Variants in LONP2 observed in about 807,000 individuals in gnomAD.
LONP2 encodes the protein lon protease homolog 2, peroxisomal.
LONP2 carries 60 observed loss-of-function variants against 85.6 expected under a neutral mutation model. The ratio of observed to expected loss-of-function variants is 0.70; its 90% CI spans 0.57 to 0.87. The LOEUF (loss-of-function observed/expected upper bound fraction) is 0.87. Among genes scored for constraint, LONP2 ranks in the 40% least tolerant of loss-of-function variants. The probability of loss-of-function intolerance (pLI) is 0.00; values close to 1 mark genes in which losing one functional copy is unlikely to be tolerated. For synonymous variants in LONP2, 395 were observed against 389.7 expected, an observed-to-expected ratio of 1.01 and a Z score of -0.16; for missense variants, 860 against 1,063.5, an observed-to-expected ratio of 0.81 and a Z score of 2.66.
chr16:48,281,116 A>G (rs1045029437), intron 8 of LONP2, among the ~76,000 whole-genome samples: 6 of 152,164 alleles, frequency 3.9e-5, no homozygotes, highest in Non-Finnish European at 8.8e-5. Context: ...AGATTATTTT[A>G]TGTTTAAGCT....
At chr16:48,310,044 A>G (rs537434296) in intron 11 of LONP2, among the ~76,000 whole-genome samples, 2 of 151,150 alleles carry the variant, frequency 1.3e-5, no homozygotes, top group African/African-American at 4.9e-5. Flanking sequence ...TCCCTATGTC[A>G]TTATATACTG....
At chr16:48,350,693 G>A (rs142705082) in intron 14 of LONP2, among the ~76,000 whole-genome samples, 52 of 152,334 alleles carry the variant, frequency 3.4e-4, no homozygotes, top group Non-Finnish European at 6.2e-4. Flanking sequence ...CTGTGGGCCA[G>A]GAATTCAGGA....
At position 48,351,924 on chromosome 16, in the gene LONP2, C is replaced by T; in HGVS notation, c.*122C>T. On this transcript the variant is annotated 3_prime_UTR_variant, in exon 15 of 15. Transcript: ENST00000285737. ...CCCTGTTTTATAAACATAATCACAA[C>T]AGTAATAAACCTCAAGTAGTGGCTA... 1.4e-6 allele frequency: 1 copy of T among 697,572 alleles called. No individual in the cohort carries two copies. The allele number at this position is 697,572 out of a possible 1,614,324, so 43.2% of individuals were successfully genotyped here. A position where few individuals can be genotyped will look rare whatever the true frequency, so the allele number is the denominator to read the frequency against.
chr16:48,301,184 T>C (rs1972796412), intron 10 of LONP2, among the ~76,000 whole-genome samples: 4 of 152,194 alleles, frequency 2.6e-5, no homozygotes, highest in African/African-American at 9.6e-5. Context: ...TTTTCATCTT[T>C]TGTGATAAGT....
chr16:48,342,610 A>C (rs943500130), intron 12 of LONP2, among the ~76,000 whole-genome samples: 2 of 152,218 alleles, frequency 1.3e-5, no homozygotes, highest in African/African-American at 4.8e-5. Flanking sequence ...GGGCTGCTTA[A>C]TGCTGCTTAA....
At chr16:48,260,350 A>G (rs111310975) in intron 4 of LONP2, among the ~76,000 whole-genome samples, 1,866 of 152,332 alleles carry the variant, frequency 0.012, 40 homozygotes, top group African/African-American at 0.042. Flanking sequence ...TAATCCCAGC[A>G]CTTTGGGAGG....
chr16:48,268,863 T>A (rs2150975498), intron 6 of LONP2, among the ~76,000 whole-genome samples: 1 of 152,246 alleles, frequency 6.6e-6, no homozygotes, highest in South Asian at 2.1e-4. Context: ...CTCAGGCCAT[T>A]TTTTTCCTTT....
Position 48,356,512 on chromosome 16 carries a change from TAAA to T in LONP2, c.*4729_*4731del, listed in dbSNP as rs535516550. ...TGCCATGAAAATTGTATCCAGCAGCTAAAAAAAAAAAAAAAAAAAAAGACTACA... is the reference window on the plus strand; with the variant it reads ...TGCCATGAAAATTGTATCCAGCAGCTAAAAAAAAAAAAAAAAAAGACTACA... On this transcript the variant is annotated 3_prime_UTR_variant, in exon 15 of 15. Transcript: ENST00000285737. The T allele has an allele frequency of 2.3e-3, 190 of 82,098 alleles. No homozygotes were observed. Among genetic ancestry groups the T allele is most frequent in the Middle Eastern group, 9.4e-3 (1 of 106 alleles). 5.1% of individuals were successfully genotyped at this position (82,098 alleles called of 1,614,324 possible). A position where few individuals can be genotyped will look rare whatever the true frequency, so the allele number is the denominator to read the frequency against.
chr16:48,272,145 G>A (rs912427982), intron 7 of LONP2, among the ~76,000 whole-genome samples: 3 of 152,150 alleles, frequency 2.0e-5, no homozygotes, highest in Non-Finnish European at 4.4e-5. Context: ...CTGACACACA[G>A]TGAGCATTCA....
At chr16:48,299,471 G>T (rs1041635943) in intron 9 of LONP2, among the ~76,000 whole-genome samples, 191 bp from the exon 10 acceptor site, 13 of 151,794 alleles carry the variant, frequency 8.6e-5, no homozygotes, top group African/African-American at 3.1e-4. Flanking sequence ...AATCCCAGCT[G>T]CTCGGGAGGG....
At chr16:48,302,419 A>G (rs562125729) in intron 10 of LONP2, among the ~76,000 whole-genome samples, 33 of 152,322 alleles carry the variant, frequency 2.2e-4, no homozygotes, top group African/African-American at 7.5e-4. Context: ...GTCAAATCCA[A>G]TTCTTCAGAT....
chr16:48,351,021 T>A (rs74017929), intron 14 of LONP2, among the ~76,000 whole-genome samples: 1,863 of 152,230 alleles, frequency 0.012, 40 homozygotes, highest in African/African-American at 0.042. Context: ...CCCACCACAC[T>A]CTGTTTCTTA....
At chr16:48,332,930 A>G (rs552642950) in intron 11 of LONP2, among the ~76,000 whole-genome samples, 2 of 143,772 alleles carry the variant, frequency 1.4e-5, no homozygotes, top group East Asian at 3.9e-4. Context: ...TAGATAGACA[A>G]TGTTAGATAA....
rs1971654079 is a variant in LONP2, at chr16:48,251,716, G to A, written c.234-415G>A. Among the ~76,000 whole-genome samples the A allele has an allele frequency of 2.0e-5, 3 of 152,252 alleles. No homozygotes were observed. In the South Asian group the frequency reaches 6.2e-4, roughly 32 times the overall value. On this transcript the variant is annotated intron_variant, in intron 1 of 14. Transcript: ENST00000285737. ...TTAGTAGCACAACTGGTGTTGGAAC[G>A]GAGATTTCTTAGATTGGTTTATGCT... is the stretch of plus-strand genomic sequence containing the variant.
At chr16:48,295,627 C>G (rs1972652325) in intron 8 of LONP2, among the ~76,000 whole-genome samples, 1 of 152,130 alleles carries the variant, frequency 6.6e-6, no homozygotes, top group Non-Finnish European at 1.5e-5. Flanking sequence ...TTTCAAAATA[C>G]TTTACACATT....
At chr16:48,345,913 T>C (rs9924497) in intron 12 of LONP2, 31,445 of 151,826 alleles carry the variant, frequency 0.21, 4,033 homozygotes, top group African/African-American at 0.36. Flanking sequence ...GGTGTGGTGA[T>C]ACATGCCTGT....
intron 9 of LONP2, among the ~76,000 whole-genome samples, chr16:48,297,763 G>A (rs190283524): frequency 5.3e-5 from 8 of 151,454 alleles, no homozygotes; most frequent in African/African-American, 1.7e-4. Flanking sequence ...GCAGTGGCAC[G>A]ATCTCAGCTC....
chr16:48,295,356 A>T (rs913557423), intron 8 of LONP2, among the ~76,000 whole-genome samples: 1 of 152,226 alleles, frequency 6.6e-6, no homozygotes, highest in Non-Finnish European at 1.5e-5. Flanking sequence ...TGGGCAACAG[A>T]GTAAGACTCT....
At chr16:48,316,472 G>A (rs572722560) in intron 11 of LONP2, among the ~76,000 whole-genome samples, 12 of 149,912 alleles carry the variant, frequency 8.0e-5, no homozygotes, top group Non-Finnish European at 1.0e-4. Flanking sequence ...GATTACAGGC[G>A]CCCGCCACCA....
Sources: allele counts gnomAD v4.1 joint callset (sites outside exome capture counted in the v4.1 genomes callset), GRCh38; gene constraint gnomAD v4.1.1; transcripts MANE v1.5; gene names NCBI Gene and HGNC (gene_info 2026-07-23, HGNC 2026-07-21).